SORBS3: variants seen among roughly 807,000 people sequenced by gnomAD.
SORBS3 encodes sorbin and SH3 domain containing 3.
SORBS3 carries 69 observed loss-of-function variants against 98.0 expected under a neutral mutation model. That is an observed-to-expected ratio of 0.70 (90% CI 0.58 to 0.86). The LOEUF is 0.86. Among genes scored for constraint, SORBS3 ranks in the 40% least tolerant of loss-of-function variants. The pLI, the probability that SORBS3 is intolerant of heterozygous loss-of-function variation, is 0.00. For missense variants in SORBS3, 954 were observed against 908.5 expected, an observed-to-expected ratio of 1.05 and a Z score of -0.64; for synonymous variants, 394 against 355.4, an observed-to-expected ratio of 1.11 and a Z score of -1.22.
Position 22,571,165 on chromosome 8 carries a change from TC to T in SORBS3, c.1693del (p.Arg565ValfsTer165), listed in dbSNP as rs1455133340. On this transcript the variant is annotated frameshift_variant, in exon 18 of 21. Coordinates refer to ENST00000240123, the MANE Select transcript of SORBS3 (RefSeq NM_005775.5). LOFTEE classifies it high-confidence loss of function. ...ADPIDLGGQT[S>X]PRRTGFSFPT... ...CCCCATCGACTTGGGGGGACAGACC[TC>T]CCCCCGTCGCACTGGCTTCTCCTTC... 2 of 1,580,852 alleles carry T rather than the reference TC, an allele frequency of 1.3e-6. No homozygotes were observed. The highest frequency in any genetic ancestry group is 1.4e-5 in the African/African-American group (1 of 73,804).
chr8:22,572,725 G>A (rs2469766), intron 20 of SORBS3, among the ~76,000 whole-genome samples: 1 of 152,078 alleles, frequency 6.6e-6, no homozygotes, highest in Non-Finnish European at 1.5e-5. Flanking sequence ...GGTTCCCAAC[G>A]TCCAGAGCTC....
At position 22,567,187 on chromosome 8, in the gene SORBS3, A is replaced by T; in HGVS notation, c.1305+12A>T. ...CTAATTATGTGGAGGTGAGCAGGAG[A>T]GACAAGAGCAAGTGGGGCTGGGCTG... On this transcript the variant is annotated intron_variant, in intron 16 of 20. Transcript: ENST00000240123. 6.4e-7 allele frequency: 1 copy of T among 1,552,646 alleles called. No individual in the cohort carries two copies. Among genetic ancestry groups the T allele is most frequent in the Non-Finnish European group, 8.9e-7 (1 of 1,125,648 alleles).
At chr8:22,570,804 C>T (rs969257502) in intron 17 of SORBS3, 106 bp from the exon 18 acceptor site, 4 of 1,002,536 alleles carry the variant, frequency 4.0e-6, no homozygotes, top group Middle Eastern at 2.1e-4. Flanking sequence ...GATTCCGACC[C>T]CTCGTGTGTC....
intron 5 of SORBS3, among the ~76,000 whole-genome samples, chr8:22,560,593 A>T (rs1446827287): frequency 6.6e-6 from 1 of 152,220 alleles, no homozygotes; most frequent in African/African-American, 2.4e-5. Flanking sequence ...ATTGACTGTC[A>T]GATTTGGCAA....
chr8:22,564,579 T>G, intron 10 of SORBS3, 58 bp downstream of exon 10: 1 of 1,604,562 alleles, frequency 6.2e-7, no homozygotes, highest in Non-Finnish European at 8.5e-7. Flanking sequence ...ATTAGGGTTT[T>G]GGTGGCCCCA....
At chr8:22,562,578 G>T (rs1026062174) in intron 7 of SORBS3, among the ~76,000 whole-genome samples, 1 of 152,176 alleles carries the variant, frequency 6.6e-6, no homozygotes, top group Non-Finnish European at 1.5e-5. Flanking sequence ...AAACTGGCCC[G>T]TAGCTCTGGG....
rs954739130 is a variant in SORBS3 at position 22,557,020 on chromosome 8, C to T, written c.414+112C>T. The T allele has an allele frequency of 6.6e-6, 8 of 1,218,172 alleles. No homozygotes were observed. The Admixed American group carries it at 1.7e-4, about 26-fold the overall frequency. 75.5% of individuals were successfully genotyped at this position (1,218,172 alleles called of 1,614,324 possible). A position where few individuals can be genotyped will look rare whatever the true frequency, so the allele number is the denominator to read the frequency against. On this transcript the variant is annotated intron_variant, in intron 4 of 20. Coordinates refer to ENST00000240123, the MANE Select transcript of SORBS3 (RefSeq NM_005775.5). ...CAATAAAGGCCGCACCCAAACCATC[C>T]CAGATTAAGCAGGGGTTCAACCGTG...
At chr8:22,548,616 T>C (rs1366679093), upstream of SORBS3, among the ~76,000 whole-genome samples, 2 of 152,172 alleles carry the variant, frequency 1.3e-5, no homozygotes, top group Non-Finnish European at 2.9e-5. Flanking sequence ...GAAGAGCAGA[T>C]GCCCTGTATC....
At chr8:22,566,554 T>A in intron 13 of SORBS3, 70 bp downstream of exon 13, 1 of 1,588,142 alleles carries the variant, frequency 6.3e-7, no homozygotes, top group Non-Finnish European at 8.6e-7. Flanking sequence ...GCCCCAGGGG[T>A]GGCAGGTCAC....
At position 22,556,904 on chromosome 8, in the gene SORBS3, G is replaced by T; in HGVS notation, c.410G>T (p.Arg137Leu). ...GAGAGCGGCATGCCCATTGCCCCCCGATCCGTGAGTCCAGGGCTGGGGGCC... is the reference window on the plus strand; with the variant it reads ...GAGAGCGGCATGCCCATTGCCCCCCTATCCGTGAGTCCAGGGCTGGGGGCC... ...VDESGMPIAP[R>L]SSVDRPRDWY... is the part of the protein sequence containing the mutation. The change falls in exon 4 of 21, where the codon CGA becomes CTA. Residue 137 changes from arginine to leucine, a missense_variant. Arg to Leu is a moderately radical substitution (Grantham distance 102). Transcript: ENST00000240123. 1 of 1,612,558 alleles carries T rather than the reference G, an allele frequency of 6.2e-7. No individual in the cohort carries two copies. The highest frequency in any genetic ancestry group is 8.5e-7 in the Non-Finnish European group (1 of 1,180,030).
chr8:22,565,500 G>A (rs1321612979), intron 11 of SORBS3, 146 bp downstream of exon 11: 1 of 630,986 alleles, frequency 1.6e-6, no homozygotes, highest in Non-Finnish European at 2.4e-6. Flanking sequence ...GCCCTCCTGG[G>A]CGCTGGCGGG....
chr8:22,566,952 G>C, intron 15 of SORBS3, 84 bp downstream of exon 15: 1 of 1,560,002 alleles, frequency 6.4e-7, no homozygotes, highest in Non-Finnish European at 8.8e-7. Flanking sequence ...CTGGGCTGCA[G>C]TGGGCATCCC....
Position 22,565,369 on chromosome 8 carries a change from G to A in SORBS3, c.903+15G>A, listed in dbSNP as rs748232935. The A allele has an allele frequency of 1.3e-6, 2 of 1,535,472 alleles. No individual in the cohort carries two copies. The highest frequency in any genetic ancestry group is 1.8e-6 in the Non-Finnish European group (2 of 1,139,448). ...CGTCCCCCAAGGTACCAGCCCCCAG[G>A]GTTCACCCGCGGGGCACGCCGGCGA... On this transcript the variant is annotated intron_variant, in intron 11 of 20. Transcript: ENST00000240123.
At chr8:22,552,105 C>T in intron 1 of SORBS3, 83 bp downstream of exon 1, 1 of 974,610 alleles carries the variant, frequency 1.0e-6, no homozygotes, top group Non-Finnish European at 1.2e-6. Flanking sequence ...CGCACCTAGC[C>T]CCTCCCCGGG....
chr8:22,574,223 G>T (rs1184676920), intron 20 of SORBS3, among the ~76,000 whole-genome samples: 3 of 152,198 alleles, frequency 2.0e-5, no homozygotes. Context: ...TGAGAGGCCT[G>T]GATCGGAGTC....
At chr8:22,552,972 C>T (rs1020155856) in intron 1 of SORBS3, among the ~76,000 whole-genome samples, 17 of 152,202 alleles carry the variant, frequency 1.1e-4, no homozygotes, top group African/African-American at 3.9e-4. Flanking sequence ...AGAGCTGTGT[C>T]GCAGCAACTC....
intron 4 of SORBS3, 130 bp downstream of exon 4, chr8:22,557,038 C>A: frequency 2.9e-6 from 3 of 1,049,400 alleles, no homozygotes; most frequent in Non-Finnish European, 4.1e-6. Context: ...AGCAGGGGTT[C>A]AACCGTGGTG....
intron 1 of SORBS3, among the ~76,000 whole-genome samples, chr8:22,552,660 G>A (rs964348666): frequency 3.9e-5 from 6 of 152,206 alleles, no homozygotes; most frequent in Admixed American, 2.0e-4. Context: ...CGAGGTGGGC[G>A]GGGAGGTCAG....
chr8:22,559,545 T>C (rs1042985211), intron 5 of SORBS3, among the ~76,000 whole-genome samples: 1 of 151,064 alleles, frequency 6.6e-6, no homozygotes, highest in Non-Finnish European at 1.5e-5. Context: ...TACTAAAAAA[T>C]ACAAAAAAGT....
Sources: gnomAD v4.1 joint callset for allele counts (sites outside exome capture counted in the v4.1 genomes callset) on GRCh38, gnomAD v4.1.1 for gene constraint, MANE v1.5 for transcripts, NCBI Gene and HGNC (gene_info 2026-07-23, HGNC 2026-07-21) for gene names.